The following ARHGAP15 variants were observed in gnomAD, a reference collection of about 807,000 sequenced individuals.
ARHGAP15 encodes the protein Rho GTPase activating protein 15, also known as rho GTPase-activating protein 15.
A neutral mutation model predicts 63.7 loss-of-function variants in ARHGAP15; 51 were observed. That is an observed-to-expected ratio of 0.80 (90% CI 0.64 to 1.01). ARHGAP15 has a LOEUF of 1.01. Ranked by LOEUF, ARHGAP15 falls within the 50% of genes least tolerant of loss-of-function variation. The pLI is 0.00. For synonymous variants in ARHGAP15, 191 were observed against 193.8 expected (o/e 0.99, Z 0.12); for missense variants, 560 against 564.6 (o/e 0.99, Z 0.08).
intron 12 of ARHGAP15, among the ~76,000 whole-genome samples, chr2:143,656,552 T>C (rs764905549): frequency 2.0e-5 from 3 of 152,264 alleles, no homozygotes; most frequent in South Asian, 4.1e-4. Flanking sequence ...ATGAAAAGAC[T>C]GTCTGGGTAA....
At chr2:143,660,134 C>A (rs1366376006) in intron 12 of ARHGAP15, among the ~76,000 whole-genome samples, 2 of 152,136 alleles carry the variant, frequency 1.3e-5, no homozygotes, top group Non-Finnish European at 2.9e-5. Flanking sequence ...GTCCTTCATC[C>A]CTTCCATGCT....
At position 143,768,315 on chromosome 2, in the gene ARHGAP15, T is replaced by TTTAAG; in HGVS notation, c.*146_*150dup. The TTTAAG allele has an allele frequency of 1.3e-6, 1 of 783,340 alleles. No individual in the cohort carries two copies. The highest frequency in any genetic ancestry group is 1.9e-5 in the South Asian group (1 of 52,906). 48.5% of individuals were successfully genotyped at this position (783,340 alleles called of 1,614,324 possible). On this transcript the variant is annotated 3_prime_UTR_variant, in exon 14 of 14. Transcript: ENST00000295095. ...GTGAAAACTTAATGATGATTTTGTG[T>TTTAAG]TTAAGTTCCAAACATTTGAATAAAA...
At chr2:143,272,839 A>G (rs1192182529) in intron 6 of ARHGAP15, among the ~76,000 whole-genome samples, 2 of 152,190 alleles carry the variant, frequency 1.3e-5, no homozygotes, top group African/African-American at 4.8e-5. Context: ...TATTAATCAA[A>G]TAGGTACTTG....
chr2:143,238,315 C>T (rs1269039685), intron 5 of ARHGAP15: 2 of 152,036 alleles, frequency 1.3e-5, no homozygotes, highest in Admixed American at 1.3e-4. Context: ...ATTCTAATAT[C>T]CAGAGTCTAT....
chr2:143,334,049 C>CAGGGT (rs1684664254), intron 6 of ARHGAP15, among the ~76,000 whole-genome samples: 1 of 152,130 alleles, frequency 6.6e-6, no homozygotes, highest in South Asian at 2.1e-4. Flanking sequence ...TTTAAGGTGA[C>CAGGGT]ACCCTAAGTG....
intron 11 of ARHGAP15, among the ~76,000 whole-genome samples, chr2:143,600,248 A>T (rs1229409123): frequency 6.6e-6 from 1 of 152,176 alleles, no homozygotes; most frequent in Non-Finnish European, 1.5e-5. Context: ...TTTAAATATC[A>T]CCAAGTTAAA....
intron 10 of ARHGAP15, among the ~76,000 whole-genome samples, chr2:143,545,273 G>A (rs1286983706): frequency 6.6e-6 from 1 of 152,122 alleles, no homozygotes; most frequent in Non-Finnish European, 1.5e-5. Context: ...GGTCTGAATT[G>A]GAGGCACCTC....
intron 12 of ARHGAP15, among the ~76,000 whole-genome samples, chr2:143,667,013 G>T (rs1311625005): frequency 6.9e-6 from 1 of 145,784 alleles, no homozygotes; most frequent in African/African-American, 2.6e-5. Context: ...TCAGTGTGGC[G>T]ATTCCTCAGG....
chr2:143,631,431 A>G (rs910064196), intron 12 of ARHGAP15, among the ~76,000 whole-genome samples: 7 of 152,066 alleles, frequency 4.6e-5, no homozygotes, highest in Non-Finnish European at 7.4e-5. Flanking sequence ...CCATTTTTCA[A>G]TTCCCGTCAA....
At chr2:143,484,786 T>C (rs949817535) in intron 8 of ARHGAP15, among the ~76,000 whole-genome samples, 1 of 152,176 alleles carries the variant, frequency 6.6e-6, no homozygotes, top group Admixed American at 6.5e-5. Context: ...TATCCAAAAA[T>C]TATCATTTCA....
In ARHGAP15 at chr2:143,575,611, C is replaced by CTATTCA. The variant is rs1199719687; in HGVS notation, c.1003+19127_1003+19128insATTCAT. On this transcript the variant is annotated intron_variant, in intron 11 of 13. Coordinates refer to ENST00000295095, the MANE Select transcript of ARHGAP15 (RefSeq NM_018460.4). ...TAAATACACCATCCTAAAATGCAGA[C>CTATTCA]TTTTCATTTTCATTTTGCAAGTGGG... 6.6e-5 allele frequency among the ~76,000 whole-genome samples: 10 copies of CTATTCA among 152,184 alleles called. No homozygotes were observed. In the East Asian group the frequency reaches 1.7e-3, roughly 26 times the overall value.
Position 143,396,139 on chromosome 2 carries a change from A to G in ARHGAP15, c.475-39462A>G, listed in dbSNP as rs374193547. ...TCTTAAAATTTTACCACAAATCAAG[A>G]TACTTTACTGATGTTCTCATCAAAA... On this transcript the variant is annotated intron_variant, in intron 6 of 13. Transcript: ENST00000295095. Among the ~76,000 whole-genome samples the G allele has an allele frequency of 3.9e-5, 6 of 152,148 alleles. No individual in the cohort carries two copies. The East Asian group carries it at 9.6e-4, about 24-fold the overall frequency.
intron 6 of ARHGAP15, among the ~76,000 whole-genome samples, chr2:143,385,389 A>G (rs548680923): frequency 7.0e-4 from 107 of 152,302 alleles, no homozygotes; most frequent in African/African-American, 2.5e-3. Flanking sequence ...AGAGTGCTGA[A>G]GTTAAAATTC....
chr2:143,763,710 GTGTATGTATA>G (rs200264357), intron 13 of ARHGAP15, among the ~76,000 whole-genome samples: 80 of 138,558 alleles, frequency 5.8e-4, no homozygotes, highest in Non-Finnish European at 1.0e-3. Flanking sequence ...GTATGTATAT[GTGTATGTATA>G]TGTATGTATA....
At chr2:143,259,505 CAT>C (rs1160518969) in intron 6 of ARHGAP15, among the ~76,000 whole-genome samples, 1 of 152,142 alleles carries the variant, frequency 6.6e-6, no homozygotes, top group African/African-American at 2.4e-5. Flanking sequence ...CTATTATTAA[CAT>C]AGGAAATCTT....
intron 10 of ARHGAP15, among the ~76,000 whole-genome samples, chr2:143,545,156 C>T (rs1352147494): frequency 2.0e-5 from 3 of 152,122 alleles, no homozygotes; most frequent in African/African-American, 7.2e-5. Flanking sequence ...CTGGAATTTG[C>T]TTTTACGAAC....
intron 9 of ARHGAP15, among the ~76,000 whole-genome samples, chr2:143,490,214 T>G (rs1364382158): frequency 2.6e-5 from 4 of 152,044 alleles, no homozygotes; most frequent in African/African-American, 4.8e-5. Context: ...TTAGCCAGGA[T>G]GGTCTCAATC....
intron 12 of ARHGAP15, among the ~76,000 whole-genome samples, chr2:143,672,159 A>G (rs938414550): frequency 6.6e-6 from 1 of 152,216 alleles, no homozygotes. Flanking sequence ...TTTGGAACAA[A>G]TTGGTAGATT....
chr2:143,156,393 C>G (rs778628950), intron 2 of ARHGAP15, among the ~76,000 whole-genome samples: 7 of 151,874 alleles, frequency 4.6e-5, no homozygotes, highest in Non-Finnish European at 8.8e-5. Flanking sequence ...ATGTTAGCCA[C>G]TCTTTTGGAC....
Sources: gnomAD v4.1 joint callset for allele counts (sites outside exome capture counted in the v4.1 genomes callset) on GRCh38, gnomAD v4.1.1 for gene constraint, MANE v1.5 for transcripts, NCBI Gene and HGNC (gene_info 2026-07-23, HGNC 2026-07-21) for gene names.